The following SLC24A2 variants were observed in gnomAD, a reference collection of about 807,000 sequenced individuals.
SLC24A2 encodes sodium/potassium/calcium exchanger 2.
Under a neutral mutation model 62.0 loss-of-function variants are expected in SLC24A2, and 36 were observed. The observed-to-expected ratio is 0.58, with a 90% CI of 0.44 to 0.77. SLC24A2 has a LOEUF of 0.77. SLC24A2 is among the 30% of genes least tolerant of loss of function. The pLI, the probability that SLC24A2 is intolerant of heterozygous loss-of-function variation, is 0.00. For synonymous variants in SLC24A2, 358 were observed against 294.0 expected, an observed-to-expected ratio of 1.22 and a Z score of -2.23; for missense variants, 846 against 817.9, an observed-to-expected ratio of 1.03 and a Z score of -0.42.
chr9:19,582,540 C>T (rs1365205009), intron 5 of SLC24A2, among the ~76,000 whole-genome samples: 1 of 152,178 alleles, frequency 6.6e-6, no homozygotes, highest in Non-Finnish European at 1.5e-5. Flanking sequence ...AAAAATAACA[C>T]AGGAGGAAAA....
intron 2 of SLC24A2, among the ~76,000 whole-genome samples, chr9:19,734,802 G>C (rs192447214): frequency 5.9e-4 from 89 of 152,024 alleles, no homozygotes; most frequent in Middle Eastern, 3.4e-3. Context: ...GGGTTTTCTA[G>C]CCATATGTAG....
At chr9:19,895,189 C>T in the SLC24A2 span, among the ~76,000 whole-genome samples, 3 of 151,704 alleles carry the variant, frequency 2.0e-5, no homozygotes, top group South Asian at 2.1e-4. Context: ...CTGTGCTCAG[C>T]GATTTAGAGG....
rs776230641 is a variant in SLC24A2, at chr9:19,710,632, G to T, written c.930+75305C>A. ...GGAAGGTGGGGGCAGTAGAAAGAAG[G>T]AAAATGATATGAGGGATCTGTAGAG... On this transcript the variant is annotated intron_variant, in intron 2 of 10. Transcript: ENST00000341998. Among the ~76,000 whole-genome samples, 8 of 152,192 alleles carry T rather than the reference G, an allele frequency of 5.3e-5. No homozygotes were observed. The South Asian group carries it at 6.2e-4, about 12-fold the overall frequency.
rs1281724591 is a variant in SLC24A2 at position 19,515,153 on chromosome 9, C to T, written c.*1000G>A. The stretch of plus-strand genomic sequence containing the variant: ...TAATGGGACATGCGCTGGAAAAATA[C>T]AGGTTCAGTTTATATAGTCTTGCTG... On this transcript the variant is annotated 3_prime_UTR_variant, in exon 11 of 11. Transcript: ENST00000341998. The T allele has an allele frequency of 6.6e-6, 1 of 152,120 alleles. No individual in the cohort carries two copies. Among genetic ancestry groups the T allele is most frequent in the African/African-American group, 2.4e-5 (1 of 41,414 alleles). The allele number at this position is 152,120 out of a possible 1,614,324, so 9.4% of individuals were successfully genotyped here.
At chr9:19,584,626 A>AT (rs1014528340) in intron 5 of SLC24A2, among the ~76,000 whole-genome samples, 106 of 151,262 alleles carry the variant, frequency 7.0e-4, no homozygotes, top group African/African-American at 2.5e-3. Context: ...AAAAGCAAAA[A>AT]TTTTTTTTTT....
intron 2 of SLC24A2, among the ~76,000 whole-genome samples, chr9:19,683,568 A>G (rs1228302849): frequency 6.6e-6 from 1 of 151,396 alleles, no homozygotes; most frequent in Non-Finnish European, 1.5e-5. Flanking sequence ...CAAGAAACAT[A>G]AATTTATTTT....
chr9:20,253,500 T>C, the SLC24A2 span, among the ~76,000 whole-genome samples: 1 of 152,224 alleles, frequency 6.6e-6, no homozygotes, highest in African/African-American at 2.4e-5. Flanking sequence ...CACTATTGTT[T>C]ATCCAAGGCC....
At chr9:19,528,847 C>T (rs947834052) in intron 8 of SLC24A2, among the ~76,000 whole-genome samples, 1 of 152,132 alleles carries the variant, frequency 6.6e-6, no homozygotes. Context: ...TGTTTTCTCT[C>T]CTGTTCACCA....
the SLC24A2 span, among the ~76,000 whole-genome samples, chr9:19,874,081 T>TC: frequency 1.5e-5 from 2 of 130,288 alleles, no homozygotes; most frequent in African/African-American, 3.1e-5. Flanking sequence ...TTTTCTTTTT[T>TC]TTTTTTTTTT....
At chr9:19,611,470 A>G (rs1040075020) in intron 4 of SLC24A2, among the ~76,000 whole-genome samples, 1 of 148,504 alleles carries the variant, frequency 6.7e-6, no homozygotes, top group Non-Finnish European at 1.5e-5. Flanking sequence ...GGAGGAAGAG[A>G]GGAGGCGGGA....
At chr9:19,767,680 A>C (rs905359027) in intron 2 of SLC24A2, among the ~76,000 whole-genome samples, 1 of 152,180 alleles carries the variant, frequency 6.6e-6, no homozygotes, top group African/African-American at 2.4e-5. Flanking sequence ...CTCAGTTGGA[A>C]ATACAGAAAT....
the SLC24A2 span, among the ~76,000 whole-genome samples, chr9:19,841,519 T>A: frequency 6.6e-6 from 1 of 152,176 alleles, no homozygotes; most frequent in South Asian, 2.1e-4. Flanking sequence ...GGGGAGGGCA[T>A]AATGTGCTAG....
At chr9:19,623,757 T>C (rs907293775) in intron 2 of SLC24A2, among the ~76,000 whole-genome samples, 25 of 152,240 alleles carry the variant, frequency 1.6e-4, no homozygotes, top group Non-Finnish European at 3.5e-4. Flanking sequence ...GACACCTTTT[T>C]GGATTCTGGA....
chr9:19,752,523 G>GGGGAGCTGGACCCTGGCCCAGCCCCTT (rs768735346), intron 2 of SLC24A2, among the ~76,000 whole-genome samples: 26,556 of 151,060 alleles, frequency 0.18, 2,541 homozygotes, highest in South Asian at 0.23. Context: ...ACGCAATCCT[G>GGGGAGCTGGACCCTGGCCCAGCCCCTT]GGGAGCTGGA....
chr9:19,760,301 G>C (rs1458678640), intron 2 of SLC24A2, among the ~76,000 whole-genome samples: 1 of 152,036 alleles, frequency 6.6e-6, no homozygotes, highest in Non-Finnish European at 1.5e-5. Flanking sequence ...TCCCTCTCTT[G>C]AATTATCAAA....
At chr9:20,079,546 C>G in the SLC24A2 span, among the ~76,000 whole-genome samples, 13 of 152,142 alleles carry the variant, frequency 8.5e-5, no homozygotes, top group Admixed American at 8.5e-4. Context: ...AATATTAACT[C>G]CTCCCTGGAA....
chr9:20,172,826 G>A, the SLC24A2 span, among the ~76,000 whole-genome samples: 2 of 152,166 alleles, frequency 1.3e-5, no homozygotes, highest in East Asian at 3.9e-4. Context: ...GAGGAAGAGG[G>A]AATCCTTCCT....
intron 2 of SLC24A2, among the ~76,000 whole-genome samples, chr9:19,756,666 C>A (rs1258467011): frequency 6.6e-6 from 1 of 152,088 alleles, no homozygotes; most frequent in Admixed American, 6.6e-5. Context: ...TACTGATTAT[C>A]CTAAAGTTCC....
At chr9:20,278,557 C>A in the SLC24A2 span, among the ~76,000 whole-genome samples, 1 of 152,154 alleles carries the variant, frequency 6.6e-6, no homozygotes, top group Admixed American at 6.5e-5. Flanking sequence ...CTCCAGTTCC[C>A]AACATGTTCC....
Sources: allele counts gnomAD v4.1 joint callset (sites outside exome capture counted in the v4.1 genomes callset), GRCh38; gene constraint gnomAD v4.1.1; transcripts MANE v1.5; gene names NCBI Gene and HGNC (gene_info 2026-07-23, HGNC 2026-07-21).